CDH18: variants seen among roughly 807,000 people sequenced by gnomAD.
CDH18 encodes the protein cadherin 18, also known as cadherin-18.
Under a neutral mutation model 67.9 loss-of-function variants are expected in CDH18, and 31 were observed. The ratio of observed to expected loss-of-function variants is 0.46; its 90% CI spans 0.34 to 0.62. The LOEUF (loss-of-function observed/expected upper bound fraction) is 0.62, where lower values mean the gene tolerates loss of function less well. Among genes scored for constraint, CDH18 ranks in the 20% least tolerant of loss-of-function variants. The pLI is 0.01. For missense variants in CDH18, 890 were observed against 975.5 expected (o/e 0.91, Z 1.17); for synonymous variants, 362 against 347.2 (o/e 1.04, Z -0.48).
chr5:19,625,031 G>A (rs1285640224), intron 5 of CDH18, among the ~76,000 whole-genome samples: 4 of 150,044 alleles, frequency 2.7e-5, no homozygotes, highest in African/African-American at 1.0e-4. Flanking sequence ...TCTAGGAAGG[G>A]CAGATTAGTG....
chr5:20,526,368 A>T (rs1160436289), intron 1 of CDH18, among the ~76,000 whole-genome samples: 1 of 152,078 alleles, frequency 6.6e-6, no homozygotes, highest in East Asian at 1.9e-4. Flanking sequence ...ATTCCAGACC[A>T]GAGGGATTTC....
intron 1 of CDH18, among the ~76,000 whole-genome samples, chr5:20,438,250 A>G (rs1269111316): frequency 6.7e-6 from 1 of 150,274 alleles, no homozygotes; most frequent in Admixed American, 6.7e-5. Flanking sequence ...ATATATATAT[A>G]TATGTATGTA....
At chr5:20,189,582 C>T (rs1738377890) in intron 2 of CDH18, among the ~76,000 whole-genome samples, 1 of 152,088 alleles carries the variant, frequency 6.6e-6, no homozygotes, top group Admixed American at 6.6e-5. Flanking sequence ...TTATTATCCC[C>T]ATGTTACAAA....
chr5:20,391,255 T>G (rs1190108407), intron 1 of CDH18, among the ~76,000 whole-genome samples: 1 of 152,028 alleles, frequency 6.6e-6, no homozygotes, highest in African/African-American at 2.4e-5. Context: ...TCACATATGA[T>G]GAAGATACTC....
chr5:20,391,133 A>G (rs1744818210), intron 1 of CDH18, among the ~76,000 whole-genome samples: 1 of 152,146 alleles, frequency 6.6e-6, no homozygotes, highest in Admixed American at 6.6e-5. Flanking sequence ...TTAAAGTATA[A>G]TAAAAAAATA....
chr5:19,756,714 A>G (rs1487111122), intron 3 of CDH18, among the ~76,000 whole-genome samples: 1 of 152,216 alleles, frequency 6.6e-6, no homozygotes, highest in Non-Finnish European at 1.5e-5. Flanking sequence ...TTATAGTTCA[A>G]TGGAATTGTT....
intron 2 of CDH18, among the ~76,000 whole-genome samples, chr5:20,226,803 TTAAG>T (rs1338696330): frequency 3.3e-5 from 5 of 152,006 alleles, no homozygotes; most frequent in African/African-American, 1.2e-4. Flanking sequence ...TATAAACTGT[TTAAG>T]TGTCAGCAGA....
At chr5:19,731,686 G>A (rs183983835) in intron 4 of CDH18, among the ~76,000 whole-genome samples, 6 of 152,230 alleles carry the variant, frequency 3.9e-5, no homozygotes, top group East Asian at 1.9e-4. Flanking sequence ...AATAATCGTC[G>A]AAGTATTCTA....
rs192535426 is a variant in CDH18 at position 20,337,976 on chromosome 5, G to C, written c.-579-82471C>G. Among the ~76,000 whole-genome samples, 15 of 152,328 alleles carry C rather than the reference G, an allele frequency of 9.8e-5. 1 individual carries two copies. In the East Asian group the frequency reaches 2.9e-3, roughly 29 times the overall value. ...TCTTACATGGATGGCAGTAGACAAA[G>C]AGAGAGTGCTTGTGCAGGGAAACTT... On this transcript the variant is annotated intron_variant, in intron 1 of 14. Transcript: ENST00000507958.
intron 8 of CDH18, among the ~76,000 whole-genome samples, chr5:19,548,129 TA>T (rs1266999334): frequency 2.0e-5 from 3 of 152,016 alleles, no homozygotes; most frequent in African/African-American, 7.2e-5. Context: ...AAGCCCTAAG[TA>T]AAAAAATCAA....
intron 1 of CDH18, among the ~76,000 whole-genome samples, chr5:20,432,919 CTT>C (rs1039114616): frequency 6.8e-4 from 101 of 148,000 alleles, no homozygotes; most frequent in African/African-American, 2.4e-3. Context: ...TTTTAGGCCT[CTT>C]ATAGATATAA....
At position 20,000,078 on chromosome 5, in the gene CDH18, G is replaced by C. The variant is rs978520270; in HGVS notation, c.-517-8064C>G. Reference sequence around the variant, plus strand: ...GCAGTGAGACCAAACTATATGGTGAGGGGGTGGGAGGCAGTAGGAAAAGTG... The same window carrying C: ...GCAGTGAGACCAAACTATATGGTGACGGGGTGGGAGGCAGTAGGAAAAGTG... On this transcript the variant is annotated intron_variant, in intron 2 of 14. Transcript: ENST00000507958. Among the ~76,000 whole-genome samples, 4 of 151,294 alleles carry C rather than the reference G, an allele frequency of 2.6e-5. No individual in the cohort carries two copies. The South Asian group carries it at 8.3e-4, about 31-fold the overall frequency.
intron 2 of CDH18, among the ~76,000 whole-genome samples, chr5:19,843,257 C>T (rs528968498): frequency 6.6e-6 from 1 of 152,278 alleles, no homozygotes; most frequent in East Asian, 1.9e-4. Context: ...TGCCTTGCTG[C>T]TTTGTGCAGT....
At chr5:20,117,427 T>G (rs1748015316) in intron 2 of CDH18, among the ~76,000 whole-genome samples, 1 of 152,288 alleles carries the variant, frequency 6.6e-6, no homozygotes, top group Admixed American at 6.5e-5. Flanking sequence ...CTTAATGAGG[T>G]TTTATTAAAA....
At chr5:20,425,361 A>T (rs534850255) in intron 1 of CDH18, among the ~76,000 whole-genome samples, 1 of 150,750 alleles carries the variant, frequency 6.6e-6, no homozygotes, top group South Asian at 2.1e-4. Context: ...AGAGGGTGAG[A>T]CTCTGTCTCA....
At chr5:19,741,043 C>G (rs1031028716) in intron 4 of CDH18, among the ~76,000 whole-genome samples, 3 of 148,132 alleles carry the variant, frequency 2.0e-5, no homozygotes, top group Non-Finnish European at 4.5e-5. Flanking sequence ...TAATGCCATT[C>G]TGTTCACATA....
intron 2 of CDH18, among the ~76,000 whole-genome samples, chr5:19,870,640 C>T (rs1481254335): frequency 6.6e-6 from 1 of 152,090 alleles, no homozygotes; most frequent in Non-Finnish European, 1.5e-5. Flanking sequence ...GAGGTCTAGG[C>T]AGCATTAAAA....
intron 11 of CDH18, among the ~76,000 whole-genome samples, chr5:19,500,699 T>C (rs1743086432): frequency 1.3e-5 from 2 of 152,178 alleles, no homozygotes. Flanking sequence ...GTAAACTTCA[T>C]TTGCATAGTT....
At chr5:20,100,389 C>T (rs1287666670) in intron 2 of CDH18, among the ~76,000 whole-genome samples, 4 of 151,980 alleles carry the variant, frequency 2.6e-5, no homozygotes, top group Admixed American at 6.6e-5. Context: ...TCATAAAACC[C>T]CTAAATCAAT....
Sources: allele counts gnomAD v4.1 joint callset (sites outside exome capture counted in the v4.1 genomes callset), GRCh38; gene constraint gnomAD v4.1.1; transcripts MANE v1.5; gene names NCBI Gene and HGNC (gene_info 2026-07-23, HGNC 2026-07-21).